MANBAL: variants seen among roughly 807,000 people sequenced by gnomAD.
The protein encoded by MANBAL is protein MANBAL.
A neutral mutation model predicts 6.4 loss-of-function variants in MANBAL; 1 was observed. That is an observed-to-expected ratio of 0.16 (90% CI 0.06 to 0.74). The LOEUF (loss-of-function observed/expected upper bound fraction) is 0.74, where lower values mean the gene tolerates loss of function less well. MANBAL is among the 30% of genes least tolerant of loss of function. The pLI, the probability that MANBAL is intolerant of heterozygous loss-of-function variation, is 0.78. For synonymous variants in MANBAL, 47 were observed against 45.8 expected (o/e 1.03, Z -0.10); for missense variants, 100 against 107.8 (o/e 0.93, Z 0.32).
intron 2 of MANBAL, among the ~76,000 whole-genome samples, chr20:37,314,426 G>A (rs1056744245): frequency 6.6e-6 from 1 of 152,136 alleles, no homozygotes; most frequent in Admixed American, 6.5e-5. Context: ...GCACTGGGGC[G>A]GCAACTGGGT....
At chr20:37,305,068 C>T (rs1315937404) in intron 2 of MANBAL, among the ~76,000 whole-genome samples, 3 of 152,146 alleles carry the variant, frequency 2.0e-5, no homozygotes, top group Non-Finnish European at 1.5e-5. Context: ...GGTTCGTGGC[C>T]TCTAGGTTGT....
At chr20:37,300,636 TA>T (rs767336556) in intron 1 of MANBAL, among the ~76,000 whole-genome samples, 70 of 152,372 alleles carry the variant, frequency 4.6e-4, no homozygotes, top group Admixed American at 2.0e-3. Flanking sequence ...CAGCCTTTAG[TA>T]AATGTATGTT....
intron 2 of MANBAL, among the ~76,000 whole-genome samples, chr20:37,313,549 A>G (rs1311258748): frequency 1.3e-5 from 2 of 151,398 alleles, no homozygotes; most frequent in Non-Finnish European, 2.9e-5. Flanking sequence ...TACTAAAAAT[A>G]TAAAAAATTA....
intron 2 of MANBAL, among the ~76,000 whole-genome samples, chr20:37,314,315 T>C (rs6104528): frequency 0.053 from 7,994 of 152,064 alleles, 330 homozygotes; most frequent in East Asian, 0.21. Context: ...GCCTTGGAGA[T>C]GCCAGTCCTG....
intron 2 of MANBAL, among the ~76,000 whole-genome samples, chr20:37,305,705 A>C (rs1035727433): frequency 1.4e-4 from 20 of 147,418 alleles, no homozygotes; most frequent in Non-Finnish European, 3.0e-5. Flanking sequence ...TTAGCTTTTC[A>C]ATGGATCAGT....
chr20:37,296,282 T>A (rs1036250309), intron 1 of MANBAL, among the ~76,000 whole-genome samples: 1 of 152,184 alleles, frequency 6.6e-6, no homozygotes, highest in Non-Finnish European at 1.5e-5. Flanking sequence ...GTGAAGGAAG[T>A]AGGTAGGGCA....
At chr20:37,305,925 T>A (rs2069248662) in intron 2 of MANBAL, among the ~76,000 whole-genome samples, 1 of 152,164 alleles carries the variant, frequency 6.6e-6, no homozygotes, top group Non-Finnish European at 1.5e-5. Context: ...ATGCTGAGAC[T>A]GTGCTGCTTA....
At chr20:37,289,827 T>A (rs1334003260) in intron 1 of MANBAL, 141 bp downstream of exon 1, 1 of 151,546 alleles carries the variant, frequency 6.6e-6, no homozygotes, top group East Asian at 2.0e-4. Context: ...CCTGAATACG[T>A]TCCCTCGGCG....
At chr20:37,310,010 T>C (rs2069346160) in intron 2 of MANBAL, among the ~76,000 whole-genome samples, 2 of 152,154 alleles carry the variant, frequency 1.3e-5, no homozygotes, top group African/African-American at 2.4e-5. Flanking sequence ...TCCACCAGCC[T>C]GTGGTCTGGA....
intron 2 of MANBAL, chr20:37,302,443 C>A: frequency 8.3e-7 from 1 of 1,202,712 alleles, no homozygotes. Context: ...TAGGTGGTAT[C>A]AGCTGATCCC....
chr20:37,306,342 A>G (rs1193108715), intron 2 of MANBAL, among the ~76,000 whole-genome samples: 1 of 152,196 alleles, frequency 6.6e-6, no homozygotes, highest in Non-Finnish European at 1.5e-5. Context: ...CAACTTGCTT[A>G]TGACTTCAGT....
intron 2 of MANBAL, among the ~76,000 whole-genome samples, chr20:37,309,487 C>T (rs761300796): frequency 6.6e-6 from 1 of 152,180 alleles, no homozygotes; most frequent in Non-Finnish European, 1.5e-5. Context: ...AAAAGAGGTG[C>T]TGGGAAGACA....
intron 1 of MANBAL, among the ~76,000 whole-genome samples, chr20:37,291,708 T>TG (rs1396398344): frequency 1.3e-5 from 2 of 152,148 alleles, no homozygotes; most frequent in African/African-American, 4.8e-5. Flanking sequence ...AATTGAATCA[T>TG]GGGGGTGGGT....
chr20:37,295,413 A>G (rs1433322979), intron 1 of MANBAL, among the ~76,000 whole-genome samples: 1 of 152,238 alleles, frequency 6.6e-6, no homozygotes, highest in Non-Finnish European at 1.5e-5. Flanking sequence ...ATGTTGAAAA[A>G]GCTTCAGGAT....
intron 2 of MANBAL, among the ~76,000 whole-genome samples, chr20:37,304,643 G>A (rs2069217141): frequency 6.6e-6 from 1 of 152,144 alleles, no homozygotes; most frequent in South Asian, 2.1e-4. Context: ...CACTGTTCCT[G>A]GAGATGCTGC....
chr20:37,293,303 A>G (rs1283771363), intron 1 of MANBAL, among the ~76,000 whole-genome samples: 1 of 152,222 alleles, frequency 6.6e-6, no homozygotes, highest in African/African-American at 2.4e-5. Context: ...ACAACTAGAC[A>G]GTCCCGTCTG....
intron 2 of MANBAL, among the ~76,000 whole-genome samples, chr20:37,310,085 G>C (rs1231401300): frequency 6.6e-6 from 1 of 152,192 alleles, no homozygotes; most frequent in Non-Finnish European, 1.5e-5. Flanking sequence ...AGCAGCCAGT[G>C]GGGAGGGCCA....
intron 2 of MANBAL, among the ~76,000 whole-genome samples, chr20:37,306,326 T>G (rs1170962781): frequency 6.6e-6 from 1 of 152,208 alleles, no homozygotes; most frequent in Non-Finnish European, 1.5e-5. Flanking sequence ...GTAAGCCGAT[T>G]TTTTGCAACT....
intron 2 of MANBAL, among the ~76,000 whole-genome samples, chr20:37,313,575 G>A (rs896913514): frequency 1.1e-4 from 16 of 152,026 alleles, no homozygotes; most frequent in African/African-American, 3.6e-4. Flanking sequence ...GCGTGGTGGC[G>A]GGTGCCTGTA....
Sources: gnomAD v4.1 joint callset for allele counts (sites outside exome capture counted in the v4.1 genomes callset) on GRCh38, gnomAD v4.1.1 for gene constraint, MANE v1.5 for transcripts, NCBI Gene and HGNC (gene_info 2026-07-23, HGNC 2026-07-21) for gene names.